NCALD: variants seen among roughly 807,000 people sequenced by gnomAD.
The protein encoded by NCALD is neurocalcin delta, also known as neurocalcin-delta.
Under a neutral mutation model 18.6 loss-of-function variants are expected in NCALD, and 10 were observed. The observed-to-expected ratio is 0.54, with a 90% CI of 0.33 to 0.91. The LOEUF is 0.91. Ranked by LOEUF, NCALD falls within the 40% of genes least tolerant of loss-of-function variation. The pLI is 0.03. For synonymous variants in NCALD, 88 were observed against 87.4 expected (o/e 1.01, Z -0.04); for missense variants, 184 against 247.6 (o/e 0.74, Z 1.72).
chr8:101,810,897 G>A (rs1450255045), intron 4 of NCALD, among the ~76,000 whole-genome samples: 4 of 151,838 alleles, frequency 2.6e-5, no homozygotes, highest in Non-Finnish European at 4.4e-5. Context: ...TCCTAATGCA[G>A]AAAAATAATT....
chr8:101,833,879 A>C (rs920970223), intron 4 of NCALD, among the ~76,000 whole-genome samples: 2 of 152,226 alleles, frequency 1.3e-5, no homozygotes, highest in African/African-American at 4.8e-5. Flanking sequence ...GCACAAGAGA[A>C]AAACAACGGC....
At chr8:102,115,428 C>G (rs1270215835) in intron 1 of NCALD, among the ~76,000 whole-genome samples, 1 of 152,176 alleles carries the variant, frequency 6.6e-6, no homozygotes. Flanking sequence ...ATAGCACAGA[C>G]TGAATGGATT....
At chr8:102,046,414 A>G (rs1349000439) in intron 1 of NCALD, among the ~76,000 whole-genome samples, 1 of 152,222 alleles carries the variant, frequency 6.6e-6, no homozygotes, top group African/African-American at 2.4e-5. Context: ...TCACTGCCCA[A>G]TTAATTTTAC....
intron 2 of NCALD, among the ~76,000 whole-genome samples, chr8:101,951,702 TA>T (rs1194198305): frequency 1.3e-5 from 2 of 152,242 alleles, no homozygotes; most frequent in Non-Finnish European, 2.9e-5. Context: ...TAAATGGTCT[TA>T]AGTCATTCAA....
At chr8:101,752,414 T>C (rs1214479660) in intron 1 of NCALD, among the ~76,000 whole-genome samples, 1 of 152,156 alleles carries the variant, frequency 6.6e-6, no homozygotes. Flanking sequence ...ATAATTAAAT[T>C]CTAGTTTCTC....
intron 2 of NCALD, among the ~76,000 whole-genome samples, chr8:101,964,260 C>G (rs920501585): frequency 6.6e-6 from 1 of 152,174 alleles, no homozygotes; most frequent in Non-Finnish European, 1.5e-5. Flanking sequence ...AATCTACTTT[C>G]TTTGCATATA....
intron 1 of NCALD, among the ~76,000 whole-genome samples, chr8:102,035,363 C>G (rs984012084): frequency 6.6e-6 from 1 of 152,134 alleles, no homozygotes; most frequent in Non-Finnish European, 1.5e-5. Flanking sequence ...CCTCCCTCTT[C>G]CAAAGTTTAA....
intron 2 of NCALD, among the ~76,000 whole-genome samples, chr8:101,712,915 T>C (rs1191274594): frequency 6.6e-6 from 1 of 152,188 alleles, no homozygotes; most frequent in African/African-American, 2.4e-5. Flanking sequence ...AACTCAGCTC[T>C]GGACCAAGCA....
chr8:101,935,120 G>A (rs752206148), intron 2 of NCALD, among the ~76,000 whole-genome samples: 48 of 152,086 alleles, frequency 3.2e-4, no homozygotes, highest in Middle Eastern at 6.8e-3. Flanking sequence ...TAAGACGAAG[G>A]AGTAGCCTCT....
chr8:101,929,397 TGGAGGGAG>T (rs1228416083), intron 2 of NCALD, among the ~76,000 whole-genome samples: 1 of 3,940 alleles, frequency 2.5e-4, no homozygotes, highest in Non-Finnish European at 4.3e-4. Context: ...GAGGGAGGCA[TGGAGGGAG>T]GGAGGGAGGA....
chr8:102,050,999 A>G (rs1823438683), intron 1 of NCALD, among the ~76,000 whole-genome samples: 1 of 150,600 alleles, frequency 6.6e-6, no homozygotes, highest in South Asian at 2.1e-4. Flanking sequence ...CAACATATAT[A>G]AAGTAATTTT....
chr8:101,742,113 C>A (rs572103373), intron 1 of NCALD, among the ~76,000 whole-genome samples: 1 of 148,654 alleles, frequency 6.7e-6, no homozygotes, highest in Non-Finnish European at 1.5e-5. Context: ...ATTAGCTGGG[C>A]GTGGTGGTGG....
At chr8:102,066,594 A>G (rs1466756644) in intron 1 of NCALD, among the ~76,000 whole-genome samples, 1 of 152,198 alleles carries the variant, frequency 6.6e-6, no homozygotes, top group Non-Finnish European at 1.5e-5. Flanking sequence ...AACTTGTGAA[A>G]TCCATTTCCT....
intron 1 of NCALD, among the ~76,000 whole-genome samples, chr8:102,083,501 G>C (rs1824625836): frequency 6.6e-6 from 1 of 152,030 alleles, no homozygotes; most frequent in Non-Finnish European, 1.5e-5. Flanking sequence ...AAGGCTAAAG[G>C]GTTCCTTTAT....
intron 4 of NCALD, among the ~76,000 whole-genome samples, chr8:101,832,420 C>A (rs189507703): frequency 6.6e-6 from 1 of 152,334 alleles, no homozygotes; most frequent in Admixed American, 6.5e-5. Context: ...TTCTCCCCAT[C>A]TTGGCTTCTA....
At chr8:102,072,607 AAATAAT>A (rs559469098) in intron 1 of NCALD, among the ~76,000 whole-genome samples, 1 of 151,672 alleles carries the variant, frequency 6.6e-6, no homozygotes, top group African/African-American at 2.4e-5. Flanking sequence ...GAAGAAAGCA[AAATAAT>A]AATAATAATA....
intron 4 of NCALD, among the ~76,000 whole-genome samples, chr8:101,828,021 A>G (rs774425556): frequency 2.0e-5 from 3 of 152,200 alleles, no homozygotes; most frequent in Non-Finnish European, 4.4e-5. Flanking sequence ...GTAAGTAGAC[A>G]ATTTTAATGT....
At chr8:101,743,407 C>T (rs1810295506) in intron 1 of NCALD, among the ~76,000 whole-genome samples, 1 of 152,168 alleles carries the variant, frequency 6.6e-6, no homozygotes, top group East Asian at 1.9e-4. Context: ...GGCAATAACA[C>T]GTTACACATG....
intron 2 of NCALD, among the ~76,000 whole-genome samples, chr8:101,975,789 C>T (rs557215965): frequency 2.6e-5 from 4 of 152,282 alleles, no homozygotes; most frequent in African/African-American, 9.6e-5. Context: ...CTCTGGTGGG[C>T]TTCTGTGGAG....
Sources: gnomAD v4.1 joint callset for allele counts (sites outside exome capture counted in the v4.1 genomes callset) on GRCh38, gnomAD v4.1.1 for gene constraint, MANE v1.5 for transcripts, NCBI Gene and HGNC (gene_info 2026-07-23, HGNC 2026-07-21) for gene names.